Variants in PABIR3 observed in about 807,000 individuals in gnomAD.
PABIR3 encodes the protein PABIR family member 1.
In PABIR3, 20 loss-of-function variants were observed where a neutral mutation model predicts 23.1. The ratio of observed to expected loss-of-function variants is 0.86; its 90% CI spans 0.61 to 1.26. The LOEUF (loss-of-function observed/expected upper bound fraction) is 1.26, where lower values mean the gene tolerates loss of function less well. Ranked by LOEUF, PABIR3 falls within the 50% of genes most tolerant of loss-of-function variation. The probability of loss-of-function intolerance (pLI) is 0.00; values close to 1 mark genes in which losing one functional copy is unlikely to be tolerated. For synonymous variants in PABIR3, 69 were observed against 68.5 expected (o/e 1.01, Z -0.04); for missense variants, 189 against 195.4 (o/e 0.97, Z 0.20).
chrX:134,821,583 T>C, intron 3 of PABIR3: 1 of 1,143,975 alleles, frequency 8.7e-7, no homozygotes, highest in Non-Finnish European at 1.2e-6. Flanking sequence ...GAAAAGGTTG[T>C]GCTTTTCTTG....
chrX:134,839,303 C>T (rs1477402076), intron 4 of PABIR3: 5 of 113,911 alleles, frequency 4.4e-5, no homozygotes, highest in Non-Finnish European at 6.8e-5. Context: ...GTCTCTGCCC[C>T]GCTGCCCCGT....
At chrX:134,807,752 A>T (rs1457237079) in intron 2 of PABIR3, 44 bp downstream of exon 2, 10 of 1,098,725 alleles carry the variant, frequency 9.1e-6, no homozygotes, top group Non-Finnish European at 9.8e-6. Flanking sequence ...GGTGGGGAGG[A>T]GGTGTTCGGG....
At chrX:134,813,262 C>G (rs1009023585) in intron 2 of PABIR3, among the ~76,000 whole-genome samples, 14 of 112,146 alleles carry the variant, frequency 1.2e-4, no homozygotes, top group Admixed American at 3.8e-4. Flanking sequence ...TTGACAGGCA[C>G]TGAAGAGAGT....
At chrX:134,850,681 A>G (rs2082601958) in intron 9 of PABIR3, among the ~76,000 whole-genome samples, 2 of 112,427 alleles carry the variant, frequency 1.8e-5, no homozygotes, top group Admixed American at 1.9e-4. Context: ...CATGAAAAGT[A>G]TCTCGAGTTT....
At chrX:134,809,559 A>G in intron 2 of PABIR3, 1 of 753,233 alleles carries the variant, frequency 1.3e-6, no homozygotes, top group Non-Finnish European at 1.6e-6. Context: ...AAATGTCTGA[A>G]AAATGCATTC....
the PABIR3 span, among the ~76,000 whole-genome samples, chrX:134,861,470 G>C: frequency 9.3e-6 from 1 of 107,282 alleles, no homozygotes; most frequent in Non-Finnish European, 1.9e-5. Flanking sequence ...AAAAGTAGTT[G>C]CGGTTTTTGC....
the PABIR3 span, among the ~76,000 whole-genome samples, chrX:134,863,309 A>G: frequency 1.8e-5 from 2 of 111,938 alleles, no homozygotes; most frequent in East Asian, 5.6e-4. Flanking sequence ...ACACTCAATT[A>G]TCTATCCCTC....
chrX:134,828,045 CTCTATA>C (rs1455464355), intron 3 of PABIR3, among the ~76,000 whole-genome samples: 16 of 59,222 alleles, frequency 2.7e-4, no homozygotes, highest in African/African-American at 7.2e-4. Context: ...CTCTCTCTCT[CTCTATA>C]TATATATATA....
At chrX:134,800,077 G>C (rs184033922) in intron 1 of PABIR3, 2 of 107,488 alleles carry the variant, frequency 1.9e-5, no homozygotes, top group Non-Finnish European at 3.8e-5. Context: ...TGGATCGGTG[G>C]ATCACGAGGT....
intron 3 of PABIR3, among the ~76,000 whole-genome samples, chrX:134,828,047 C>CTCTCTCTCTCTATATATATATATATATA (rs1466733144): frequency 2.0e-5 from 1 of 49,420 alleles, no homozygotes; most frequent in African/African-American, 8.2e-5. Context: ...CTCTCTCTCT[C>CTCTCTCTCTCTATATATATATATATATA]TATATATATA....
At chrX:134,861,673 C>CAA in the PABIR3 span, among the ~76,000 whole-genome samples, 9 of 30,931 alleles carry the variant, frequency 2.9e-4, no homozygotes, top group East Asian at 1.2e-3. Flanking sequence ...GACTCCGCCT[C>CAA]AAAAAAAAAA....
At chrX:134,822,134 T>C in intron 3 of PABIR3, 2 of 754,227 alleles carry the variant, frequency 2.7e-6, no homozygotes, top group Non-Finnish European at 3.1e-6. Context: ...GTGCTGATAC[T>C]CTTGGTTCCT....
chrX:134,836,224 C>T (rs2081969958), intron 4 of PABIR3, among the ~76,000 whole-genome samples: 1 of 111,862 alleles, frequency 8.9e-6, no homozygotes, highest in South Asian at 3.7e-4. Flanking sequence ...ACTCCTGCCT[C>T]AGGCTCCCAA....
intron 6 of PABIR3, among the ~76,000 whole-genome samples, chrX:134,846,151 AG>A (rs1168698392): frequency 1.8e-5 from 2 of 111,727 alleles, no homozygotes; most frequent in African/African-American, 6.5e-5. Flanking sequence ...GAGTGCCAGC[AG>A]GGGAAATTCC....
rs778969930 is a variant in PABIR3 at position 134,814,774 on chromosome X, T to G, written c.114T>G (p.Phe38Leu). The change falls in exon 3 of 11, where the codon TTT (phenylalanine) becomes TTG (leucine). Residue 38 changes from phenylalanine to leucine, a missense_variant. Phe to Leu is a conservative substitution (Grantham distance 22, BLOSUM62 0). Transcript: ENST00000645433. ...ATGTTTTTGTTTTTCTTTTTAGTTT[T>G]AATTCACAGGTGTTGCAAGCTGACA... ...NSAPLINGLG[F>L]NSQVLQADML... is the part of the protein sequence containing the mutation. 8 of 1,176,675 alleles carry G rather than the reference T, an allele frequency of 6.8e-6. No homozygotes were observed.
chrX:134,855,355 A>G (rs1416036628), downstream of PABIR3, among the ~76,000 whole-genome samples: 1 of 109,793 alleles, frequency 9.1e-6, no homozygotes, highest in African/African-American at 3.3e-5. Flanking sequence ...AATGGCGTGA[A>G]TCCGGGAGGT....
At chrX:134,847,599 C>A in intron 7 of PABIR3, 124 bp downstream of exon 7, 1 of 506,899 alleles carries the variant, frequency 2.0e-6, no homozygotes, top group Non-Finnish European at 3.2e-6. Flanking sequence ...CTGATTCTAA[C>A]TAACATTTTT....
intron 2 of PABIR3, 29 bp from the exon 3 acceptor site, chrX:134,814,742 A>G (rs768194465): frequency 9.8e-7 from 1 of 1,018,006 alleles, no homozygotes; most frequent in Middle Eastern, 2.6e-4. Flanking sequence ...TGGATTTTAT[A>G]TAACACATGT....
chrX:134,829,357 G>A (rs986968351), intron 4 of PABIR3, 75 bp downstream of exon 4: 1 of 847,299 alleles, frequency 1.2e-6, no homozygotes, highest in East Asian at 3.3e-5. Context: ...AAATACCTAT[G>A]TTTCAGTAAT....
Sources: allele counts gnomAD v4.1 joint callset (sites outside exome capture counted in the v4.1 genomes callset), GRCh38; gene constraint gnomAD v4.1.1; transcripts MANE v1.5; gene names NCBI Gene and HGNC (gene_info 2026-07-23, HGNC 2026-07-21).